The following ANK2 variants were observed in gnomAD, a reference collection of about 807,000 sequenced individuals.
ANK2 encodes ankyrin 2.
ANK2 carries 83 observed loss-of-function variants against 360.5 expected under a neutral mutation model. The ratio of observed to expected loss-of-function variants is 0.23; its 90% CI spans 0.19 to 0.28. The LOEUF (loss-of-function observed/expected upper bound fraction) is 0.28. Ranked by LOEUF, ANK2 falls within the 10% of genes least tolerant of loss-of-function variation. ANK2 has a pLI of 1.00. For missense variants in ANK2, 4,201 were observed against 4,795.7 expected, an observed-to-expected ratio of 0.88 and a Z score of 3.66; for synonymous variants, 1,740 against 1,759.5, an observed-to-expected ratio of 0.99 and a Z score of 0.28.
At chr4:112,919,393 G>A (rs1395590073) in intron 2 of ANK2, among the ~76,000 whole-genome samples, 1 of 151,874 alleles carries the variant, frequency 6.6e-6, no homozygotes, top group East Asian at 1.9e-4. Context: ...AAAAACTATG[G>A]AAACTCACTC....
the ANK2 span, chr4:112,788,370 C>A: frequency 6.4e-7 from 1 of 1,558,094 alleles, no homozygotes; most frequent in Non-Finnish European, 8.7e-7. Flanking sequence ...CGACATAGGG[C>A]AGGCAAGAAG....
At chr4:113,092,202 T>A (rs11726041) in intron 1 of ANK2, among the ~76,000 whole-genome samples, 29,341 of 152,176 alleles carry the variant, frequency 0.19, 3,734 homozygotes, top group Non-Finnish European at 0.29. Context: ...ACTATTTGGA[T>A]TTTTTTAAGA....
intron 1 of ANK2, among the ~76,000 whole-genome samples, chr4:113,107,371 C>T (rs936335634): frequency 6.6e-6 from 1 of 152,140 alleles, no homozygotes; most frequent in African/African-American, 2.4e-5. Context: ...CACATGCCAC[C>T]ATGCCTGGCT....
In ANK2 at chr4:113,330,560, T is replaced by C. The variant is rs771084755; in HGVS notation, c.3125+90T>C. The C allele has an allele frequency of 4.4e-5, 59 of 1,343,196 alleles. No homozygotes were observed. The Middle Eastern group carries it at 7.3e-4, about 17-fold the overall frequency. 83.2% of individuals were successfully genotyped at this position (1,343,196 alleles called of 1,614,324 possible). A position where few individuals can be genotyped will look rare whatever the true frequency, so the allele number is the denominator to read the frequency against. ...CTAGGATGGAATGGAAAAAGGTACG[T>C]CAAACCATTTTGAAAGAGGATCAGC... On this transcript the variant is annotated intron_variant, in intron 27 of 45. Transcript: ENST00000357077.
chr4:113,199,697 A>G (rs1158030257), intron 4 of ANK2, among the ~76,000 whole-genome samples: 1 of 152,158 alleles, frequency 6.6e-6, no homozygotes, highest in Non-Finnish European at 1.5e-5. Flanking sequence ...TGTTTTGCCC[A>G]AAGCTTTACT....
In ANK2 at chr4:113,359,165, T is replaced by C. The variant is rs765022083; in HGVS notation, c.10547T>C (p.Ile3516Thr). ...ESSSALEVSV[I>T]ENLPPVETEH... Reference sequence around the variant, plus strand: ...AGTAGTGCCCTGGAAGTATCAGTAATTGAAAATCTGCCACCTGTTGAGACC... The same window carrying C: ...AGTAGTGCCCTGGAAGTATCAGTAACTGAAAATCTGCCACCTGTTGAGACC... The change falls in exon 38 of 46, where the codon ATT (isoleucine) becomes ACT (threonine). Residue 3516 changes from isoleucine (I) to threonine (T), a missense_variant. Coordinates refer to ENST00000357077, the MANE Select transcript of ANK2 (RefSeq NM_001148.6). 48 of 1,613,328 alleles carry C rather than the reference T, an allele frequency of 3.0e-5. 1 individual carries two copies. The South Asian group carries it at 3.5e-4, about 12-fold the overall frequency.
chr4:112,769,828 C>A, the ANK2 span, among the ~76,000 whole-genome samples: 1 of 152,060 alleles, frequency 6.6e-6, no homozygotes, highest in Non-Finnish European at 1.5e-5. Context: ...TTTTTGCTTC[C>A]TGCCTACTGC....
the ANK2 span, among the ~76,000 whole-genome samples, chr4:112,717,134 G>T: frequency 3.9e-3 from 591 of 152,170 alleles, 6 homozygotes; most frequent in African/African-American, 0.014. Context: ...ATAATGAATG[G>T]TATCTTGCCA....
At chr4:113,268,982 A>C (rs1317585767) in intron 14 of ANK2, among the ~76,000 whole-genome samples, 1 of 152,082 alleles carries the variant, frequency 6.6e-6, no homozygotes, top group East Asian at 1.9e-4. Context: ...GGGAGGGTGT[A>C]TGTGTCCAGG....
chr4:112,739,044 G>A, the ANK2 span: 3 of 582,426 alleles, frequency 5.2e-6, no homozygotes, highest in African/African-American at 3.7e-5. Flanking sequence ...GGAAAGTTCT[G>A]TCCAGCTGGC....
In ANK2 at chr4:112,859,587, G is replaced by A. The variant is rs532839723; in HGVS notation, c.-40+41323G>A. The stretch of plus-strand genomic sequence containing the variant: ...TTACCCCTCCATTATCTCTTTATTT[G>A]TTGCCAGCTTATATGGCTAGAAGCC... On this transcript the variant is annotated intron_variant, in intron 1 of 30. Coordinates refer to the ANK2 transcript ENST00000503271. Among the ~76,000 whole-genome samples the A allele has an allele frequency of 2.0e-5, 3 of 152,246 alleles. No homozygotes were observed. The East Asian group carries it at 5.8e-4, about 29-fold the overall frequency.
chr4:113,094,865 A>G (rs552993441), intron 1 of ANK2, among the ~76,000 whole-genome samples: 16 of 152,348 alleles, frequency 1.1e-4, no homozygotes, highest in African/African-American at 3.4e-4. Context: ...GTCACAAAGC[A>G]TTGTTTTTGT....
chr4:113,145,932 A>G (rs1172231323), intron 1 of ANK2: 13 of 1,289,744 alleles, frequency 1.0e-5, no homozygotes, highest in Non-Finnish European at 1.3e-5. Context: ...ACAAGGAAAC[A>G]TGCAGGAACT....
intron 4 of ANK2, among the ~76,000 whole-genome samples, chr4:113,199,697 A>T (rs1158030257): frequency 8.5e-5 from 13 of 152,158 alleles, no homozygotes; most frequent in Non-Finnish European, 8.8e-5. Flanking sequence ...TGTTTTGCCC[A>T]AAGCTTTACT....
chr4:112,889,024 A>C (rs1048730470), intron 1 of ANK2, among the ~76,000 whole-genome samples: 2 of 152,200 alleles, frequency 1.3e-5, no homozygotes, highest in African/African-American at 4.8e-5. Flanking sequence ...GACTGTATAC[A>C]CTTATCAACT....
chr4:112,902,039 G>T (rs2083596253), intron 1 of ANK2, among the ~76,000 whole-genome samples: 1 of 152,150 alleles, frequency 6.6e-6, no homozygotes, highest in Non-Finnish European at 1.5e-5. Context: ...ATTAAGAGAG[G>T]AGAGTTACAG....
the ANK2 span, among the ~76,000 whole-genome samples, chr4:112,791,938 A>G: frequency 2.8e-4 from 42 of 152,060 alleles, no homozygotes; most frequent in Non-Finnish European, 5.7e-4. Flanking sequence ...ACAAGTTCCT[A>G]ATAACATTAC....
intron 2 of ANK2, among the ~76,000 whole-genome samples, chr4:113,041,753 A>G (rs1561656735): frequency 6.6e-6 from 1 of 152,222 alleles, no homozygotes; most frequent in East Asian, 1.9e-4. Context: ...TATTTCTCAT[A>G]GGTTTGAGGA....
intron 1 of ANK2, among the ~76,000 whole-genome samples, chr4:113,058,813 AT>A (rs1305581546): frequency 6.6e-6 from 1 of 152,188 alleles, no homozygotes; most frequent in Non-Finnish European, 1.5e-5. Context: ...ACTGCTAGAG[AT>A]ATTCATACTG....
Sources: allele counts gnomAD v4.1 joint callset (sites outside exome capture counted in the v4.1 genomes callset), GRCh38; gene constraint gnomAD v4.1.1; transcripts MANE v1.5; gene names NCBI Gene and HGNC (gene_info 2026-07-23, HGNC 2026-07-21).